GRIK4: variants seen among roughly 807,000 people sequenced by gnomAD.
The protein encoded by GRIK4 is glutamate receptor ionotropic, kainate 4.
A neutral mutation model predicts 104.9 loss-of-function variants in GRIK4; 40 were observed. The ratio of observed to expected loss-of-function variants is 0.38; its 90% confidence interval spans 0.30 to 0.50. GRIK4 has a LOEUF of 0.50. Among genes scored for constraint, GRIK4 ranks in the 20% least tolerant of loss-of-function variants. The pLI, the probability that GRIK4 is intolerant of heterozygous loss-of-function variation, is 0.93. For missense variants in GRIK4, 1,047 were observed against 1,308.1 expected, an observed-to-expected ratio of 0.80 and a Z score of 3.08; for synonymous variants, 485 against 524.9, an observed-to-expected ratio of 0.92 and a Z score of 1.04.
At chr11:120,582,524 C>T (rs1439694238) in intron 1 of GRIK4, among the ~76,000 whole-genome samples, 3 of 152,064 alleles carry the variant, frequency 2.0e-5, no homozygotes, top group South Asian at 2.1e-4. Context: ...CATGTGTATT[C>T]AGCATTTATT....
chr11:120,756,233 C>T (rs1337916103), intron 3 of GRIK4, among the ~76,000 whole-genome samples: 1 of 152,216 alleles, frequency 6.6e-6, no homozygotes, highest in African/African-American at 2.4e-5. Context: ...ATTTGTCAGA[C>T]ATGTGTGTGC....
Position 120,952,726 on chromosome 11 carries a change from C to G in GRIK4, c.1591-129C>G. 1 of 732,370 alleles carries G rather than the reference C, an allele frequency of 1.4e-6. No individual in the cohort carries two copies. Among genetic ancestry groups the G allele is most frequent in the Non-Finnish European group, 2.5e-6 (1 of 403,204 alleles). 45.4% of individuals were successfully genotyped at this position (732,370 alleles called of 1,614,324 possible). On this transcript the variant is annotated intron_variant, in intron 14 of 20. Coordinates refer to ENST00000527524, the MANE Select transcript of GRIK4 (RefSeq NM_014619.5). This position sits in a 1 kb window ranked among gnomAD's most constrained non-coding sequence, Gnocchi z 5.2. The stretch of plus-strand genomic sequence containing the variant: ...TTCCCAGTGTCATTTAAACCAATCA[C>G]CCAGAACCCACAGAAATGGGAACTG...
At chr11:120,573,745 A>T (rs941609058) in intron 1 of GRIK4, among the ~76,000 whole-genome samples, 3 of 151,956 alleles carry the variant, frequency 2.0e-5, no homozygotes, top group African/African-American at 7.3e-5. Flanking sequence ...CAGTGTGTGG[A>T]TGGGCCTGAC....
chr11:120,959,956 G>C (rs557907055), intron 16 of GRIK4, among the ~76,000 whole-genome samples: 1 of 152,170 alleles, frequency 6.6e-6, no homozygotes, highest in South Asian at 2.1e-4. Flanking sequence ...TTGAGCCCGG[G>C]AGTTCTAGGT....
chr11:120,640,623 T>C (rs1230579979), intron 1 of GRIK4, among the ~76,000 whole-genome samples: 2 of 152,242 alleles, frequency 1.3e-5, no homozygotes, highest in African/African-American at 4.8e-5. Flanking sequence ...GCCATGTAAC[T>C]TTCTTTTAAC....
chr11:120,930,002 TGGG>T (rs61317737), intron 13 of GRIK4, among the ~76,000 whole-genome samples: 1 of 150,282 alleles, frequency 6.7e-6, no homozygotes, highest in Non-Finnish European at 1.5e-5. Flanking sequence ...AGGCCACGTT[TGGG>T]GGGGGGGTCC....
chr11:120,711,005 G>GGGGGGGT (rs1555046807), intron 3 of GRIK4, among the ~76,000 whole-genome samples: 3 of 150,024 alleles, frequency 2.0e-5, no homozygotes, highest in Non-Finnish European at 4.4e-5. Flanking sequence ...GGTGGGGAGG[G>GGGGGGGT]GGTGTGAGCA....
intron 6 of GRIK4, among the ~76,000 whole-genome samples, chr11:120,821,897 G>A (rs766786595): frequency 2.0e-5 from 3 of 152,110 alleles, no homozygotes; most frequent in Non-Finnish European, 4.4e-5. Flanking sequence ...AACTAAGCAG[G>A]GTCGATGGTC....
In GRIK4 at chr11:120,940,826, CTG is replaced by C. The variant is rs546622330; in HGVS notation, c.1590+370_1590+371del. Among the ~76,000 whole-genome samples the C allele has an allele frequency of 6.2e-4, 95 of 152,332 alleles. No homozygotes were observed. The highest frequency in any genetic ancestry group is 2.1e-3 in the African/African-American group (88 of 41,582). On this transcript the variant is annotated intron_variant, in intron 14 of 20. Transcript: ENST00000527524. This position sits in a 1 kb window ranked among gnomAD's most constrained non-coding sequence, Gnocchi z 4.3. ...TCAAGCACGTTGCCAACTTCCAAGT[CTG>C]TGTTCACTTCTAGTGTTGCATTTGG...
chr11:120,753,535 G>T (rs1407465946), intron 3 of GRIK4, among the ~76,000 whole-genome samples: 1 of 152,096 alleles, frequency 6.6e-6, no homozygotes, highest in Non-Finnish European at 1.5e-5. Flanking sequence ...TAGATTTTAG[G>T]AGACTGTTTC....
intron 1 of GRIK4, among the ~76,000 whole-genome samples, chr11:120,624,641 C>T (rs1565578789): frequency 6.6e-6 from 1 of 152,194 alleles, no homozygotes; most frequent in Non-Finnish European, 1.5e-5. Context: ...GACACTTCAT[C>T]TCGTACCCTG....
At chr11:120,787,650 A>G (rs958453687) in intron 3 of GRIK4, among the ~76,000 whole-genome samples, 6 of 149,986 alleles carry the variant, frequency 4.0e-5, no homozygotes, top group Admixed American at 1.3e-4. Flanking sequence ...TTTAGTGGAG[A>G]TGGGGTTTCA....
chr11:120,908,454 C>CAA (rs137912422), intron 13 of GRIK4, among the ~76,000 whole-genome samples: 26 of 24,230 alleles, frequency 1.1e-3, no homozygotes, highest in Middle Eastern at 0.024. Context: ...CACACACACA[C>CAA]ACACACAGAG....
chr11:120,805,333 G>A (rs1952691478), intron 4 of GRIK4, among the ~76,000 whole-genome samples: 1 of 152,180 alleles, frequency 6.6e-6, no homozygotes, highest in South Asian at 2.1e-4. Context: ...TTCTCTGGCA[G>A]AAATGAGGGA....
At chr11:120,726,989 A>G (rs1951038595) in intron 3 of GRIK4, among the ~76,000 whole-genome samples, 2 of 152,168 alleles carry the variant, frequency 1.3e-5, no homozygotes, top group South Asian at 2.1e-4. Context: ...CAAATAAAAG[A>G]CTTCTCTGTT....
chr11:120,876,724 C>T (rs1954830413), intron 11 of GRIK4, among the ~76,000 whole-genome samples: 1 of 152,136 alleles, frequency 6.6e-6, no homozygotes, highest in African/African-American at 2.4e-5. Context: ...AGAGATCTAC[C>T]TCTAAAGTCT....
intron 3 of GRIK4, among the ~76,000 whole-genome samples, chr11:120,737,219 A>G (rs373069030): frequency 6.6e-6 from 1 of 152,308 alleles, no homozygotes; most frequent in African/African-American, 2.4e-5. Flanking sequence ...TCTTGTCACT[A>G]CTATTTGAAT....
At chr11:120,621,867 C>G (rs1170398702) in intron 1 of GRIK4, among the ~76,000 whole-genome samples, 1 of 151,926 alleles carries the variant, frequency 6.6e-6, no homozygotes, top group Admixed American at 6.6e-5. Context: ...TTGTGCTTGT[C>G]TTTATATATG....
intron 3 of GRIK4, among the ~76,000 whole-genome samples, chr11:120,710,973 C>G (rs1950722204): frequency 6.7e-6 from 1 of 150,350 alleles, no homozygotes. Context: ...GGCGGCCCGG[C>G]CAGCCTCGCT....
Sources: gnomAD v4.1 joint callset for allele counts (sites outside exome capture counted in the v4.1 genomes callset) on GRCh38, gnomAD v4.1.1 for gene constraint, Gnocchi (gnomAD v3.1) non-coding constraint, MANE v1.5 for transcripts, NCBI Gene and HGNC (gene_info 2026-07-23, HGNC 2026-07-21) for gene names.